COL6A6: variants seen among roughly 807,000 people sequenced by gnomAD.
COL6A6 encodes collagen alpha-6(VI) chain.
COL6A6 carries 183 observed loss-of-function variants against 208.6 expected under a neutral mutation model. That is an observed-to-expected ratio of 0.88 (90% CI 0.78 to 0.99). The LOEUF (loss-of-function observed/expected upper bound fraction) is 0.99. COL6A6 is among the 50% of genes least tolerant of loss of function. The probability of loss-of-function intolerance (pLI) is 0.00; values close to 1 mark genes in which losing one functional copy is unlikely to be tolerated. For missense variants in COL6A6, 2,816 were observed against 2,815.2 expected (o/e 1.00, Z -0.01); for synonymous variants, 973 against 1,011.8 (o/e 0.96, Z 0.73).
chr3:130,543,781 GTATTT>G lies in COL6A6; in HGVS notation c.-31-16546_-31-16542del, dbSNP rs1379456951. Among the ~76,000 whole-genome samples, 5 of 152,120 alleles carry G rather than the reference GTATTT, an allele frequency of 3.3e-5. 1 individual carries two copies. The South Asian group carries it at 8.3e-4, about 25-fold the overall frequency. On this transcript the variant is annotated intron_variant, in intron 1 of 36. Coordinates refer to ENST00000358511, the MANE Select transcript of COL6A6 (RefSeq NM_001102608.3). ...TGAATTATGAATAAGAAAAATGGTT[GTATTT>G]TATTTTCTGATGCTTTTTATGTATG...
At chr3:130,654,302 T>C (rs1422366857) in intron 33 of COL6A6, among the ~76,000 whole-genome samples, 1 of 152,178 alleles carries the variant, frequency 6.6e-6, no homozygotes, top group African/African-American at 2.4e-5. Context: ...CCATGATTTT[T>C]TTTTCCCCCT....
intron 1 of COL6A6, among the ~76,000 whole-genome samples, chr3:130,535,348 A>G (rs1314968773): frequency 6.6e-6 from 1 of 152,114 alleles, no homozygotes; most frequent in African/African-American, 2.4e-5. Flanking sequence ...TTTCAAATTC[A>G]TACCTCATTT....
chr3:130,659,036 A>G (rs1381588394), intron 34 of COL6A6, among the ~76,000 whole-genome samples: 1 of 152,184 alleles, frequency 6.6e-6, no homozygotes, highest in African/African-American at 2.4e-5. Context: ...AACAGTAATG[A>G]TTCTTAGAAA....
intron 1 of COL6A6, among the ~76,000 whole-genome samples, chr3:130,552,216 T>C (rs2062659122): frequency 6.6e-6 from 1 of 152,206 alleles, no homozygotes; most frequent in Non-Finnish European, 1.5e-5. Context: ...CAATGATCTG[T>C]CTAATACTGG....
Position 130,574,371 on chromosome 3 carries a change from C to T in COL6A6, c.3393C>T (p.Asp1131=). The change falls in exon 8 of 37, where the codon GAC becomes GAT. Residue 1131 remains aspartate, a synonymous_variant. Transcript: ENST00000358511. The part of the protein sequence containing the change: ...AAEALRHRGI[D]IYSVGIGDVD... ...AAGCCCTGAGACACAGAGGTATCGA[C>T]ATCTACTCCGTGGGCATTGGGGATG... is the stretch of plus-strand genomic sequence containing the variant. 1 of 1,614,014 alleles carries T rather than the reference C, an allele frequency of 6.2e-7. No individual in the cohort carries two copies. The highest frequency in any genetic ancestry group is 8.5e-7 in the Non-Finnish European group (1 of 1,179,902).
At chr3:130,561,444 T>C (rs2107853076) in intron 2 of COL6A6, among the ~76,000 whole-genome samples, 1 of 152,292 alleles carries the variant, frequency 6.6e-6, no homozygotes, top group South Asian at 2.1e-4. Flanking sequence ...ATTTTACCCA[T>C]TATGCCTCGA....
rs201898554 is a variant in COL6A6 at position 130,563,112 on chromosome 3, C to T, written c.109C>T (p.Arg37Cys). 16 of 1,613,842 alleles carry T rather than the reference C, an allele frequency of 9.9e-6. No homozygotes were observed. The African/African-American group carries it at 1.1e-4, about 11-fold the overall frequency. The change falls in exon 3 of 37, where the codon CGC becomes TGC. Residue 37 changes from arginine to cysteine, a missense_variant. Arg to Cys is a radical substitution (Grantham distance 180). Transcript: ENST00000358511. Reference sequence around the variant, plus strand: ...TGTGTTTTTGGTGGACAGCTCTGATCGCCTGGGATCCAAGTCCTTCCCATT... The same window carrying T: ...TGTGTTTTTGGTGGACAGCTCTGATTGCCTGGGATCCAAGTCCTTCCCATT... ...DVVFLVDSSD[R>C]LGSKSFPFVK... is the part of the protein sequence containing the mutation.
In COL6A6 at chr3:130,665,089, T is replaced by C. The variant is rs372976180; in HGVS notation, c.6589T>C (p.Phe2197Leu). Reference sequence around the variant, plus strand: ...AGATCCAAAGCAGCCCCCACGACCATTCCGAAGGTACTGTCTGTTTGGTGT... The same window carrying C: ...AGATCCAAAGCAGCCCCCACGACCACTCCGAAGGTACTGTCTGTTTGGTGT... ...SIDPKQPPRP[F>L]RSFVPGPLKA... Residue 2197 changes from phenylalanine (F) to leucine (L), a missense_variant, in exon 36 of 37, where the codon TTC (phenylalanine) becomes CTC (leucine). By Grantham distance (22) the Phe-to-Leu change is conservative. Transcript: ENST00000358511. 5 of 1,606,242 alleles carry C rather than the reference T, an allele frequency of 3.1e-6. No homozygotes were observed. Among genetic ancestry groups the C allele is most frequent in the Admixed American group, 1.7e-5 (1 of 59,366 alleles).
chr3:130,641,710 G>A lies in COL6A6; in HGVS notation c.5150G>A (p.Arg1717His), dbSNP rs756792501. 3.9e-5 allele frequency: 61 copies of A among 1,579,236 alleles called. No homozygotes were observed. The highest frequency in any genetic ancestry group is 5.0e-5 in the Admixed American group (3 of 59,444). The change falls in exon 29 of 37, where the codon CGT becomes CAT. Residue 1717 changes from arginine to histidine, a missense_variant. Coordinates refer to ENST00000358511, the MANE Select transcript of COL6A6 (RefSeq NM_001102608.3). Reference protein sequence around the residue: ...GSPGEPGPPGRKGVKGAKGLA... With the variant: ...GSPGEPGPPGHKGVKGAKGLA... ...CCTGGGGAACCAGGACCTCCTGGAC[G>A]TAAGGTAAGTAGAAAAACTATAAAC...
At chr3:130,583,933 G>A (rs1357016887) in intron 10 of COL6A6, among the ~76,000 whole-genome samples, 1 of 152,146 alleles carries the variant, frequency 6.6e-6, no homozygotes, top group Admixed American at 6.5e-5. Context: ...ATCAATATGT[G>A]TAAAGTATGC....
At chr3:130,610,124 G>T (rs766212630) in intron 22 of COL6A6, among the ~76,000 whole-genome samples, 1 of 152,024 alleles carries the variant, frequency 6.6e-6, no homozygotes, top group Middle Eastern at 3.4e-3. Context: ...TAATTTAAAA[G>T]CAGAGGCAAA....
intron 24 of COL6A6, among the ~76,000 whole-genome samples, chr3:130,623,245 G>T (rs538932673): frequency 2.0e-5 from 3 of 152,246 alleles, no homozygotes; most frequent in African/African-American, 7.2e-5. Context: ...ATCACTTGAG[G>T]TCGGGAGTTC....
intron 8 of COL6A6, among the ~76,000 whole-genome samples, chr3:130,578,102 G>A (rs762487445): frequency 6.6e-6 from 1 of 152,140 alleles, no homozygotes; most frequent in Non-Finnish European, 1.5e-5. Flanking sequence ...CAATTTTTAG[G>A]ATGTGGAGGT....
chr3:130,529,637 A>G (rs1325257094), intron 1 of COL6A6, among the ~76,000 whole-genome samples: 1 of 152,102 alleles, frequency 6.6e-6, no homozygotes, highest in Admixed American at 6.6e-5. Flanking sequence ...TTCTCCTTCA[A>G]GTCTTCTCCT....
At chr3:130,554,765 A>G (rs1449128626) in intron 1 of COL6A6, among the ~76,000 whole-genome samples, 3 of 152,154 alleles carry the variant, frequency 2.0e-5, no homozygotes, top group Non-Finnish European at 4.4e-5. Context: ...GGGGGTGGCC[A>G]TGGGTGAGTG....
rs1246102459 is a variant in COL6A6 at position 130,610,663 on chromosome 3, G to A, written c.4767G>A (p.Glu1589=). The change falls in exon 23 of 37, where the codon GAG becomes GAA. Residue 1589 remains glutamate, a synonymous_variant. Transcript: ENST00000358511. ...TATGTACTTAGGGCCCAAGAGGAGA[G>A]GCTGGTGTGAAAGGAGAAAAAGGAG... ...GLKGPQGPRG[E]AGVKGEKGGV... 6.3e-7 allele frequency: 1 copy of A among 1,590,404 alleles called. No homozygotes were observed. The highest frequency in any genetic ancestry group is 8.6e-7 in the Non-Finnish European group (1 of 1,167,712).
At chr3:130,586,465 A>G in intron 10 of COL6A6, 41 bp from the exon 11 acceptor site, 1 of 1,563,500 alleles carries the variant, frequency 6.4e-7, no homozygotes, top group Non-Finnish European at 8.6e-7. Context: ...TAAAGTAACC[A>G]AACCCACCTC....
rs369881318 is a variant in COL6A6 at position 130,526,945 on chromosome 3, C to T, written c.-32+9548C>T. 3.9e-4 allele frequency among the ~76,000 whole-genome samples: 60 copies of T among 152,232 alleles called. 2 individuals are homozygous for T. In the South Asian group the frequency reaches 6.9e-3, roughly 17 times the overall value. ...GAACGGATAAATACATAAACTAAAA[C>T]GATCTTATTCTATAGATAAGGAAAA... On this transcript the variant is annotated intron_variant, in intron 1 of 36. Transcript: ENST00000358511.
At chr3:130,612,636 C>T (rs556907270) in intron 23 of COL6A6, among the ~76,000 whole-genome samples, 5 of 152,222 alleles carry the variant, frequency 3.3e-5, no homozygotes, top group Admixed American at 1.3e-4. Context: ...TGACCTGTAG[C>T]GCAACACAGG....
Sources: allele counts gnomAD v4.1 joint callset (sites outside exome capture counted in the v4.1 genomes callset), GRCh38; gene constraint gnomAD v4.1.1; transcripts MANE v1.5; gene names NCBI Gene and HGNC (gene_info 2026-07-23, HGNC 2026-07-21).